Variants in KYAT3 observed in about 807,000 individuals in gnomAD.
KYAT3 encodes kynurenine aminotransferase 3.
A neutral mutation model predicts 59.0 loss-of-function variants in KYAT3; 50 were observed. The observed-to-expected ratio is 0.85, with a 90% confidence interval of 0.68 to 1.07. KYAT3 has a LOEUF of 1.07. Among genes scored for constraint, KYAT3 ranks in the 50% least tolerant of loss-of-function variants. The pLI is 0.00. For synonymous variants in KYAT3, 148 were observed against 177.0 expected, an observed-to-expected ratio of 0.84 and a Z score of 1.30; for missense variants, 497 against 533.3, an observed-to-expected ratio of 0.93 and a Z score of 0.67.
chr1:88,965,406 C>T (rs1357265595), intron 4 of KYAT3, among the ~76,000 whole-genome samples: 1 of 152,116 alleles, frequency 6.6e-6, no homozygotes, highest in Middle Eastern at 3.2e-3. Context: ...GTTATGCCAA[C>T]CAATGGACTA....
At chr1:88,990,739 G>A (rs541236547) in intron 1 of KYAT3, among the ~76,000 whole-genome samples, 1 of 152,168 alleles carries the variant, frequency 6.6e-6, no homozygotes, top group Non-Finnish European at 1.5e-5. Flanking sequence ...TGGCTCTGAA[G>A]AAATCTAAGC....
chr1:88,924,128 G>T, the KYAT3 span, among the ~76,000 whole-genome samples: 1 of 152,200 alleles, frequency 6.6e-6, no homozygotes, highest in Non-Finnish European at 1.5e-5. Context: ...GTTAAAGGCT[G>T]GCACCTGTGA....
the KYAT3 span, among the ~76,000 whole-genome samples, chr1:88,922,022 G>GA: frequency 6.6e-6 from 1 of 152,178 alleles, no homozygotes; most frequent in African/African-American, 2.4e-5. Flanking sequence ...CAAGTTGACA[G>GA]AAAAAATTAA....
At chr1:88,989,197 G>C (rs1241707060) in intron 1 of KYAT3, among the ~76,000 whole-genome samples, 1 of 152,128 alleles carries the variant, frequency 6.6e-6, no homozygotes, top group African/African-American at 2.4e-5. Context: ...TCAAACCTTA[G>C]AGAAAAAGAG....
downstream of KYAT3, among the ~76,000 whole-genome samples, chr1:88,932,809 A>C (rs1050301247): frequency 1.3e-5 from 2 of 152,130 alleles, no homozygotes; most frequent in Non-Finnish European, 2.9e-5. Context: ...ATTATTTTAC[A>C]TATTTAAAAA....
chr1:88,982,872 C>T (rs1213605168), intron 2 of KYAT3: 1 of 1,613,996 alleles, frequency 6.2e-7, no homozygotes, highest in Non-Finnish European at 8.5e-7. Context: ...CCACCATATC[C>T]ATCACGTGAG....
At chr1:88,962,988 CTTTT>C (rs397956625) in intron 5 of KYAT3, among the ~76,000 whole-genome samples, 1 of 144,690 alleles carries the variant, frequency 6.9e-6, no homozygotes, top group Non-Finnish European at 1.5e-5. Flanking sequence ...TCCTCTCTCT[CTTTT>C]TTTTTTTTTG....
intron 2 of KYAT3, chr1:88,980,142 C>T (rs905002492): frequency 1.3e-5 from 2 of 152,244 alleles, no homozygotes; most frequent in African/African-American, 2.4e-5. Context: ...GTGACAAAGA[C>T]AAATCAGCAG....
chr1:88,969,513 T>A, intron 2 of KYAT3, 46 bp from the exon 3 acceptor site: 3 of 1,019,352 alleles, frequency 2.9e-6, no homozygotes, highest in African/African-American at 1.6e-5. Flanking sequence ...GTCAAAATTT[T>A]AAAAGCCAGT....
intron 2 of KYAT3, among the ~76,000 whole-genome samples, chr1:88,974,019 C>A (rs147459115): frequency 6.6e-5 from 10 of 151,818 alleles, no homozygotes; most frequent in Non-Finnish European, 1.0e-4. Flanking sequence ...AAGGTCACAG[C>A]CAAAAAGTTT....
At chr1:88,950,106 T>G (rs1293475117) in intron 10 of KYAT3, among the ~76,000 whole-genome samples, 2 of 152,148 alleles carry the variant, frequency 1.3e-5, no homozygotes, top group Non-Finnish European at 2.9e-5. Flanking sequence ...AAGAAGCATG[T>G]CCCCACCAGA....
chr1:88,985,341 C>A (rs1010098067), intron 2 of KYAT3, among the ~76,000 whole-genome samples: 1 of 152,188 alleles, frequency 6.6e-6, no homozygotes, highest in Non-Finnish European at 1.5e-5. Flanking sequence ...CAGAGTTGGA[C>A]AGTCAGGCTG....
the KYAT3 span, among the ~76,000 whole-genome samples, chr1:88,925,145 G>A: frequency 2.0e-5 from 3 of 152,196 alleles, no homozygotes; most frequent in Non-Finnish European, 4.4e-5. Flanking sequence ...CCTGTCGTCC[G>A]GTTCGTCTGT....
At chr1:88,926,730 TCTC>T in the KYAT3 span, among the ~76,000 whole-genome samples, 1 of 152,114 alleles carries the variant, frequency 6.6e-6, no homozygotes, top group Non-Finnish European at 1.5e-5. Flanking sequence ...TAATAATTGG[TCTC>T]CTCAAACGTG....
intron 11 of KYAT3, among the ~76,000 whole-genome samples, chr1:88,946,466 A>G (rs13376154): frequency 0.038 from 5,803 of 152,200 alleles, 316 homozygotes; most frequent in African/African-American, 0.12. Flanking sequence ...CTGGCCATGT[A>G]TCATTGATTT....
rs577453684 is a variant in KYAT3 at position 88,982,502 on chromosome 1, A to T, written c.99+5750T>A. On this transcript the variant is annotated intron_variant, in intron 2 of 13. Coordinates refer to ENST00000260508, the MANE Select transcript of KYAT3 (RefSeq NM_001008661.3). The stretch of plus-strand genomic sequence containing the variant: ...ATGTTTTACTTTTTTCCTCACAAGA[A>T]CATAAAAATTACGGAAGGGACTTAA... 2.4e-6 allele frequency: 3 copies of T among 1,252,506 alleles called. No homozygotes were observed. The East Asian group carries it at 7.6e-5, about 32-fold the overall frequency. The allele number at this position is 1,252,506 out of a possible 1,614,324, so 77.6% of individuals were successfully genotyped here.
intron 2 of KYAT3, among the ~76,000 whole-genome samples, chr1:88,977,639 GA>G (rs1557701778): frequency 1.3e-5 from 2 of 152,166 alleles, no homozygotes; most frequent in Non-Finnish European, 2.9e-5. Context: ...GCACTTGGCA[GA>G]AAAAAGTTTT....
chr1:88,927,028 C>T, the KYAT3 span, among the ~76,000 whole-genome samples: 3 of 152,164 alleles, frequency 2.0e-5, no homozygotes, highest in Non-Finnish European at 4.4e-5. Context: ...TCAAGAAAGA[C>T]GGAAAAAGGG....
At chr1:88,949,048 CAT>C in intron 11 of KYAT3, 41 bp downstream of exon 11, 1 of 1,401,206 alleles carries the variant, frequency 7.1e-7, no homozygotes, top group Non-Finnish European at 9.5e-7. Context: ...TAATTTCACA[CAT>C]AAGTTTCCGT....
Sources: gnomAD v4.1 joint callset for allele counts (sites outside exome capture counted in the v4.1 genomes callset) on GRCh38, gnomAD v4.1.1 for gene constraint, MANE v1.5 for transcripts, NCBI Gene and HGNC (gene_info 2026-07-23, HGNC 2026-07-21) for gene names.